Variants in MECOM observed in about 807,000 individuals in gnomAD.
The protein encoded by MECOM is MDS1 and EVI1 complex locus.
Under a neutral mutation model 116.3 loss-of-function variants are expected in MECOM, and 13 were observed. That is an observed-to-expected ratio of 0.11 (90% CI 0.07 to 0.18). The LOEUF is 0.18. MECOM is among the 10% of genes least tolerant of loss of function. The pLI is 1.00. For missense variants in MECOM, 1,299 were observed against 1,509.0 expected, an observed-to-expected ratio of 0.86 and a Z score of 2.31; for synonymous variants, 528 against 535.2, an observed-to-expected ratio of 0.99 and a Z score of 0.19.
intron 1 of MECOM, among the ~76,000 whole-genome samples, chr3:169,391,437 C>T (rs1734176957): frequency 6.6e-6 from 1 of 152,042 alleles, no homozygotes. Context: ...CTAAGGAGTG[C>T]AATTTTCTGC....
At chr3:169,384,832 G>A (rs11922763) in intron 1 of MECOM, among the ~76,000 whole-genome samples, 2,062 of 152,190 alleles carry the variant, frequency 0.014, 22 homozygotes, top group Middle Eastern at 0.041. Flanking sequence ...GCCGGGTGTG[G>A]TGGCTCCAGC....
At chr3:169,663,287 G>A (rs1210198637) in intron 1 of MECOM, 49 bp downstream of exon 1, 1 of 1,578,322 alleles carries the variant, frequency 6.3e-7, no homozygotes. Context: ...AGATATGCAA[G>A]ATGGCAGAGG....
chr3:169,661,308 C>T (rs1370117916), intron 1 of MECOM, among the ~76,000 whole-genome samples: 7 of 142,758 alleles, frequency 4.9e-5, no homozygotes, highest in Non-Finnish European at 9.0e-5. Flanking sequence ...CGCCAACTCC[C>T]CCCCCCACAC....
intron 1 of MECOM, among the ~76,000 whole-genome samples, chr3:169,406,633 A>G (rs1560232616): frequency 6.6e-6 from 1 of 152,046 alleles, no homozygotes; most frequent in African/African-American, 2.4e-5. Flanking sequence ...CCAGACTGAC[A>G]CTCTCTTACG....
intron 2 of MECOM, among the ~76,000 whole-genome samples, chr3:169,321,859 C>G (rs1481597939): frequency 2.0e-5 from 3 of 152,224 alleles, no homozygotes; most frequent in Admixed American, 6.5e-5. Context: ...AGGAAAGACA[C>G]TACTCATGGT....
chr3:169,388,661 T>G (rs372663821), intron 1 of MECOM, among the ~76,000 whole-genome samples: 1 of 152,308 alleles, frequency 6.6e-6, no homozygotes, highest in African/African-American at 2.4e-5. Flanking sequence ...GTCTTTAGCA[T>G]GTCCTGCTCC....
intron 1 of MECOM, among the ~76,000 whole-genome samples, chr3:169,487,483 T>C (rs527395497): frequency 1.9e-3 from 288 of 152,118 alleles, no homozygotes; most frequent in Non-Finnish European, 1.9e-3. Context: ...ATTATGCACA[T>C]TAAATATCTA....
chr3:169,663,343 C>T lies in MECOM; in HGVS notation c.30G>A (p.Leu10=). The change falls in exon 1 of 17, where the codon CTG becomes CTA. Residue 10 remains leucine, a synonymous_variant. Transcript: ENST00000651503. ...AAGGGATATTGCACCTACTTGTGGC[C>T]AGTTTCCTTGCCCTGCCTTTGGATC... MRSKGRARK[L]ATNNECVYGN... is the part of the protein sequence containing the mutation. 2 of 1,610,190 alleles carry T rather than the reference C, an allele frequency of 1.2e-6. No individual in the cohort carries two copies. The highest frequency in any genetic ancestry group is 1.1e-5 in the South Asian group (1 of 89,928).
chr3:169,663,453 C>A lies in MECOM; in HGVS notation c.-81G>T. Reference sequence around the variant, plus strand: ...CCTTTCCTTCTTTTGCTCTCCCTCTCGCTCCCTCCCTCTCTCTCCTGTCTC... The same window carrying A: ...CCTTTCCTTCTTTTGCTCTCCCTCTAGCTCCCTCCCTCTCTCTCCTGTCTC... On this transcript the variant is annotated 5_prime_UTR_variant, in exon 1 of 17. Coordinates refer to ENST00000651503, the MANE Select transcript of MECOM (RefSeq NM_004991.4). 1 of 1,403,416 alleles carries A rather than the reference C, an allele frequency of 7.1e-7. No individual in the cohort carries two copies. The highest frequency in any genetic ancestry group is 9.9e-7 in the Non-Finnish European group (1 of 1,013,920). The allele number at this position is 1,403,416 out of a possible 1,614,324, so 86.9% of individuals were successfully genotyped here.
At chr3:169,501,180 G>C (rs1754478723) in intron 1 of MECOM, among the ~76,000 whole-genome samples, 4 of 151,794 alleles carry the variant, frequency 2.6e-5, no homozygotes, top group African/African-American at 9.7e-5. Context: ...TAACTATAAG[G>C]TTTGCTTAGA....
intron 1 of MECOM, among the ~76,000 whole-genome samples, chr3:169,459,971 T>C (rs1397597115): frequency 6.6e-6 from 1 of 152,290 alleles, no homozygotes; most frequent in East Asian, 1.9e-4. Flanking sequence ...TGTAATCCTT[T>C]TCCAAAATGT....
chr3:169,380,752 C>T (rs1732258546), intron 2 of MECOM, among the ~76,000 whole-genome samples: 1 of 151,942 alleles, frequency 6.6e-6, no homozygotes, highest in South Asian at 2.1e-4. Flanking sequence ...GAAAATAAAA[C>T]CAAATTAACT....
intron 1 of MECOM, among the ~76,000 whole-genome samples, chr3:169,516,305 C>T (rs1918961): frequency 0.52 from 78,680 of 151,922 alleles, 21,741 homozygotes; most frequent in African/African-American, 0.73. Context: ...AGTTTTCATA[C>T]GACATTACCT....
At chr3:169,226,972 A>G (rs1186220953) in intron 2 of MECOM, among the ~76,000 whole-genome samples, 1 of 152,194 alleles carries the variant, frequency 6.6e-6, no homozygotes, top group Non-Finnish European at 1.5e-5. Context: ...TATGTTTAAG[A>G]GGTGTCTAAC....
intron 1 of MECOM, among the ~76,000 whole-genome samples, chr3:169,588,577 GT>G (rs1766028719): frequency 2.0e-5 from 3 of 152,156 alleles, no homozygotes. Flanking sequence ...TGGGAAGACT[GT>G]GTATAATAGG....
At chr3:169,143,171 A>T (rs1464173874) in intron 3 of MECOM, among the ~76,000 whole-genome samples, 1 of 152,086 alleles carries the variant, frequency 6.6e-6, no homozygotes, top group East Asian at 1.9e-4. Flanking sequence ...ACTTTTTAAC[A>T]TATACCAAAA....
At chr3:169,135,644 T>C (rs1006178369) in intron 3 of MECOM, among the ~76,000 whole-genome samples, 9 of 152,014 alleles carry the variant, frequency 5.9e-5, no homozygotes, top group African/African-American at 1.9e-4. Context: ...CTAACTCCCA[T>C]ACATCTGAAA....
rs9866556 is a variant in MECOM, at chr3:169,193,810, T to A, written c.376-49978A>T. Among the ~76,000 whole-genome samples, 570 of 151,962 alleles carry A rather than the reference T, an allele frequency of 3.8e-3. 4 individuals are homozygous for A. The highest frequency in any genetic ancestry group is 0.013 in the African/African-American group (540 of 41,470). On this transcript the variant is annotated intron_variant, in intron 2 of 16. Coordinates refer to ENST00000651503, the MANE Select transcript of MECOM (RefSeq NM_004991.4). ...TTTAAGTTATAGCTATATAAAACTA[T>A]GGTTAGTGTTAGTTTAAGGGTTATA...
At chr3:169,283,296 G>T (rs1185248128) in intron 2 of MECOM, among the ~76,000 whole-genome samples, 1 of 151,908 alleles carries the variant, frequency 6.6e-6, no homozygotes, top group Non-Finnish European at 1.5e-5. Flanking sequence ...TGAGCCCAGG[G>T]CTTCAAGACC....
Sources: allele counts gnomAD v4.1 joint callset (sites outside exome capture counted in the v4.1 genomes callset), GRCh38; gene constraint gnomAD v4.1.1; transcripts MANE v1.5; gene names NCBI Gene and HGNC (gene_info 2026-07-23, HGNC 2026-07-21).